MYOM2: variants seen among roughly 807,000 people sequenced by gnomAD.
MYOM2 encodes myomesin 2.
In MYOM2, 254 loss-of-function variants were observed where a neutral mutation model predicts 187.6. The ratio of observed to expected loss-of-function variants is 1.35; its 90% CI spans 1.22 to 1.50. MYOM2 has a LOEUF of 1.50. Among genes scored for constraint, MYOM2 ranks in the 40% most tolerant of loss-of-function variants. The pLI, the probability that MYOM2 is intolerant of heterozygous loss-of-function variation, is 0.00. For synonymous variants in MYOM2, 981 were observed against 753.8 expected (o/e 1.30, Z -4.94); for missense variants, 2,796 against 1,924.0 (o/e 1.45, Z -8.48).
intron 14 of MYOM2, among the ~76,000 whole-genome samples, chr8:2,089,224 T>G (rs180850455): frequency 0.022 from 3,352 of 151,990 alleles, 135 homozygotes; most frequent in African/African-American, 0.078. Context: ...ATAAAACATG[T>G]AATCAAGGTT....
intron 15 of MYOM2, among the ~76,000 whole-genome samples, chr8:2,092,027 C>T (rs926267329): frequency 3.3e-5 from 5 of 151,860 alleles, no homozygotes; most frequent in East Asian, 2.0e-4. Flanking sequence ...AGTTGTTACC[C>T]GGGTAGCCTC....
intron 21 of MYOM2, among the ~76,000 whole-genome samples, chr8:2,103,494 G>T (rs1796786056): frequency 6.6e-6 from 1 of 151,116 alleles, no homozygotes; most frequent in Non-Finnish European, 1.5e-5. Context: ...ATGGGTATAT[G>T]AATAAATGAG....
At chr8:2,132,591 C>T (rs796831507) in intron 32 of MYOM2, among the ~76,000 whole-genome samples, 1 of 114,864 alleles carries the variant, frequency 8.7e-6, no homozygotes, top group African/African-American at 5.1e-5. Context: ...TTCTCTCTCT[C>T]TCTCTCTTTT....
rs755181940 is a variant in MYOM2 at position 2,129,270 on chromosome 8, A to G, written c.3800+38A>G. Reference sequence around the variant, plus strand: ...GCAGCCGATGGAGGCCATGCCATAGATGGGGCTGTCCAGGGCGCACAGCTG... The same window carrying G: ...GCAGCCGATGGAGGCCATGCCATAGGTGGGGCTGTCCAGGGCGCACAGCTG... On this transcript the variant is annotated intron_variant, in intron 32 of 36. Transcript: ENST00000262113. 5.6e-5 allele frequency: 82 copies of G among 1,457,484 alleles called. No homozygotes were observed. The Admixed American group carries it at 1.3e-3, about 24-fold the overall frequency. The allele number at this position is 1,457,484 out of a possible 1,614,324, so 90.3% of individuals were successfully genotyped here. A position where few individuals can be genotyped will look rare whatever the true frequency, so the allele number is the denominator to read the frequency against.
chr8:2,094,767 G>A (rs559481482), intron 17 of MYOM2, among the ~76,000 whole-genome samples: 1 of 152,336 alleles, frequency 6.6e-6, no homozygotes, highest in South Asian at 2.1e-4. Context: ...AGTCACTTCA[G>A]AGAATGTCAT....
intron 32 of MYOM2, among the ~76,000 whole-genome samples, chr8:2,135,993 A>T (rs904703483): frequency 1.2e-4 from 19 of 152,214 alleles, no homozygotes; most frequent in Non-Finnish European, 2.5e-4. Flanking sequence ...CAAGGTGAGC[A>T]GCCAGGGTTG....
chr8:2,102,482 C>G (rs895521728), intron 20 of MYOM2, among the ~76,000 whole-genome samples, 185 bp from the exon 21 acceptor site: 1 of 144,440 alleles, frequency 6.9e-6, no homozygotes, highest in Non-Finnish European at 1.6e-5. Flanking sequence ...TTTATTCCTC[C>G]AAAGTCACAT....
At chr8:2,139,924 A>T (rs1798216752) in intron 32 of MYOM2, among the ~76,000 whole-genome samples, 1 of 152,190 alleles carries the variant, frequency 6.6e-6, no homozygotes, top group Non-Finnish European at 1.5e-5. Flanking sequence ...TAATACACAT[A>T]ATGTAAAAGT....
At chr8:2,131,678 C>A (rs551722959) in intron 32 of MYOM2, among the ~76,000 whole-genome samples, 168 of 141,026 alleles carry the variant, frequency 1.2e-3, no homozygotes, top group African/African-American at 4.2e-3. Flanking sequence ...GAATCTCACT[C>A]TGTCACCCAG....
intron 1 of MYOM2, among the ~76,000 whole-genome samples, chr8:2,048,360 G>C (rs1249861006): frequency 6.6e-6 from 1 of 152,242 alleles, no homozygotes; most frequent in East Asian, 1.9e-4. Flanking sequence ...TCCAGAGAGA[G>C]TAAATGGGTT....
chr8:2,100,081 CTTCTTTCCTTCCTTCCTTCCTTCCTT>C (rs1796638651), intron 19 of MYOM2, among the ~76,000 whole-genome samples: 1 of 75,044 alleles, frequency 1.3e-5, no homozygotes. Flanking sequence ...TCCTTCCTTT[CTTCTTTCCTTCCTTCCTTCCTTCCTT>C]CTTTCTTTCC....
Position 2,130,340 on chromosome 8 carries a change from C to G in MYOM2, c.3800+1108C>G, listed in dbSNP as rs535797889. Among the ~76,000 whole-genome samples, 4 of 117,684 alleles carry G rather than the reference C, an allele frequency of 3.4e-5. No homozygotes were observed. The East Asian group carries it at 1.3e-3, about 37-fold the overall frequency. 77.2% of individuals were successfully genotyped at this position (117,684 alleles called of 152,430 possible). Reference sequence around the variant, plus strand: ...CCCTCACTACGCTATACCCAGGGCGCCCACACCCCGCCTTTAGTTAACGCC... The same window carrying G: ...CCCTCACTACGCTATACCCAGGGCGGCCACACCCCGCCTTTAGTTAACGCC... On this transcript the variant is annotated intron_variant, in intron 32 of 36. Coordinates refer to ENST00000262113, the MANE Select transcript of MYOM2 (RefSeq NM_003970.4).
intron 6 of MYOM2, 56 bp from the exon 7 acceptor site, chr8:2,069,222 T>C: frequency 6.5e-7 from 1 of 1,531,994 alleles, no homozygotes; most frequent in South Asian, 1.2e-5. Flanking sequence ...GCAATTCGGG[T>C]CACTGACTTT....
chr8:2,117,763 A>G (rs1797296388), intron 27 of MYOM2, 122 bp from the exon 28 acceptor site: 1 of 564,184 alleles, frequency 1.8e-6, no homozygotes, highest in African/African-American at 1.9e-5. Flanking sequence ...TATATAATAC[A>G]TTCTTATGTA....
At chr8:2,120,677 ATAT>A (rs200186243) in intron 28 of MYOM2, among the ~76,000 whole-genome samples, 5 of 34,158 alleles carry the variant, frequency 1.5e-4, no homozygotes, top group South Asian at 7.2e-4. Context: ...TATATATATT[ATAT>A]TATATATAAA....
intron 1 of MYOM2, among the ~76,000 whole-genome samples, chr8:2,048,486 C>A (rs112350910): frequency 6.6e-5 from 10 of 152,348 alleles, no homozygotes; most frequent in South Asian, 2.1e-4. Context: ...TTCTCAGATA[C>A]CTTTTCCTGT....
At chr8:2,123,183 C>T (rs1439464311) in intron 28 of MYOM2, 69 bp from the exon 29 acceptor site, 2 of 1,062,990 alleles carry the variant, frequency 1.9e-6, no homozygotes, top group Non-Finnish European at 2.8e-6. Context: ...ATTTAAGATT[C>T]TAATAGACTT....
chr8:2,140,264 A>C (rs1798226506), intron 32 of MYOM2, among the ~76,000 whole-genome samples: 1 of 152,100 alleles, frequency 6.6e-6, no homozygotes, highest in South Asian at 2.1e-4. Context: ...ACCACATTCT[A>C]CTGATCCATT....
At chr8:2,054,441 T>C (rs946647733) in intron 3 of MYOM2, among the ~76,000 whole-genome samples, 3 of 152,170 alleles carry the variant, frequency 2.0e-5, no homozygotes, top group Middle Eastern at 6.3e-3. Context: ...GTCCCGGGGC[T>C]TGTCATTTAC....
Sources: gnomAD v4.1 joint callset for allele counts (sites outside exome capture counted in the v4.1 genomes callset) on GRCh38, gnomAD v4.1.1 for gene constraint, MANE v1.5 for transcripts, NCBI Gene and HGNC (gene_info 2026-07-23, HGNC 2026-07-21) for gene names.